ARHGAP22: variants seen among roughly 807,000 people sequenced by gnomAD.
ARHGAP22 encodes rho GTPase-activating protein 22.
In ARHGAP22, 48 loss-of-function variants were observed where a neutral mutation model predicts 59.1. The observed-to-expected ratio is 0.81, with a 90% CI of 0.64 to 1.03. The LOEUF is 1.03. Among genes scored for constraint, ARHGAP22 ranks in the 50% least tolerant of loss-of-function variants. The pLI, the probability that ARHGAP22 is intolerant of heterozygous loss-of-function variation, is 0.00. For missense variants in ARHGAP22, 1,015 were observed against 958.7 expected (o/e 1.06, Z -0.78); for synonymous variants, 445 against 416.4 (o/e 1.07, Z -0.84).
intron 2 of ARHGAP22, among the ~76,000 whole-genome samples, chr10:48,560,050 T>A (rs1022012646): frequency 2.0e-5 from 3 of 152,202 alleles, no homozygotes; most frequent in African/African-American, 7.2e-5. Flanking sequence ...TGTGAATATG[T>A]TATGCTACAT....
chr10:48,450,807 C>G lies in ARHGAP22; in HGVS notation c.1322G>C (p.Ser441Thr). The part of the protein sequence containing the change: ...SFRQPRSLSG[S>T]PKGGGSSLEV... The stretch of plus-strand genomic sequence containing the variant: ...CAGGGATGAGCCGCCCCCCTTCGGG[C>G]TTCCCGATAGGGACCTCGGCTGCCG... Residue 441 changes from serine to threonine, a missense_variant, in exon 9 of 10, where the codon AGC (serine) becomes ACC (threonine). Transcript: ENST00000249601. 1 of 1,579,334 alleles carries G rather than the reference C, an allele frequency of 6.3e-7. No individual in the cohort carries two copies. Among genetic ancestry groups the G allele is most frequent in the Non-Finnish European group, 8.6e-7 (1 of 1,163,308 alleles).
intron 4 of ARHGAP22, among the ~76,000 whole-genome samples, 192 bp from the exon 5 acceptor site, chr10:48,460,083 A>G (rs1174790636): frequency 2.0e-5 from 3 of 152,200 alleles, no homozygotes; most frequent in Non-Finnish European, 1.5e-5. Flanking sequence ...GATGCACACC[A>G]GGAGGCTGGG....
chr10:48,508,083 C>G (rs540494154), intron 3 of ARHGAP22, among the ~76,000 whole-genome samples: 2 of 152,260 alleles, frequency 1.3e-5, no homozygotes, highest in Admixed American at 6.5e-5. Flanking sequence ...GGCTCAAAGG[C>G]TGGGGTGGCC....
At chr10:48,627,505 AC>A (rs1332657622) in intron 1 of ARHGAP22, among the ~76,000 whole-genome samples, 1 of 152,122 alleles carries the variant, frequency 6.6e-6, no homozygotes, top group African/African-American at 2.4e-5. Context: ...GTCTGTACTC[AC>A]TCTAGGTTCA....
chr10:48,552,426 C>T (rs576989219), intron 3 of ARHGAP22, among the ~76,000 whole-genome samples: 112 of 152,380 alleles, frequency 7.4e-4, no homozygotes, highest in Non-Finnish European at 1.2e-3. Context: ...CTGGCACCCT[C>T]GGAACTGTAG....
intron 9 of ARHGAP22, among the ~76,000 whole-genome samples, chr10:48,448,763 T>C (rs2045610905): frequency 6.6e-6 from 1 of 152,194 alleles, no homozygotes; most frequent in East Asian, 1.9e-4. Context: ...ACCACTCTGC[T>C]AGCGAGTACA....
chr10:48,571,168 C>A (rs2058370764), intron 2 of ARHGAP22, among the ~76,000 whole-genome samples: 1 of 152,188 alleles, frequency 6.6e-6, no homozygotes, highest in Admixed American at 6.5e-5. Flanking sequence ...GCCACTTAAT[C>A]TACTAATAGT....
rs148047591 is a variant in ARHGAP22, at chr10:48,487,020, C to A, written c.323-7256G>T. On this transcript the variant is annotated intron_variant, in intron 3 of 9. Coordinates refer to ENST00000249601, the MANE Select transcript of ARHGAP22 (RefSeq NM_021226.4). The stretch of plus-strand genomic sequence containing the variant: ...TTATGGGTAATTTGATTATGACGTG[C>A]CTCAGTGCAATTTTATTCAGGTTTC... Among the ~76,000 whole-genome samples the A allele has an allele frequency of 2.0e-3, 305 of 152,182 alleles. 1 individual carries two copies. Among genetic ancestry groups the A allele is most frequent in the African/African-American group, 6.8e-3 (282 of 41,518 alleles).
intron 1 of ARHGAP22, among the ~76,000 whole-genome samples, chr10:48,588,115 C>A (rs545294695): frequency 8.5e-4 from 129 of 152,330 alleles, no homozygotes; most frequent in African/African-American, 3.0e-3. Context: ...TGCCCTGATG[C>A]CCAAGGCCCA....
chr10:48,648,260 T>C (rs2062397385), intron 1 of ARHGAP22, among the ~76,000 whole-genome samples: 2 of 151,958 alleles, frequency 1.3e-5, no homozygotes, highest in South Asian at 4.2e-4. Flanking sequence ...GAAAAAAAGA[T>C]GGGAAAGGAG....
At chr10:48,545,260 G>C (rs2056329226) in intron 3 of ARHGAP22, among the ~76,000 whole-genome samples, 1 of 152,156 alleles carries the variant, frequency 6.6e-6, no homozygotes, top group Non-Finnish European at 1.5e-5. Context: ...CATCTCTATA[G>C]AAGAGCGCTG....
At chr10:48,455,646 C>CTT (rs2046419446) in intron 5 of ARHGAP22, among the ~76,000 whole-genome samples, 1 of 152,242 alleles carries the variant, frequency 6.6e-6, no homozygotes, top group South Asian at 2.1e-4. Flanking sequence ...CCCTGCAAGA[C>CTT]GATGTGGGAG....
chr10:48,541,673 G>T (rs1435530991), intron 3 of ARHGAP22, among the ~76,000 whole-genome samples: 1 of 152,196 alleles, frequency 6.6e-6, no homozygotes. Flanking sequence ...GAGAGGCTGG[G>T]CCAGTGCACT....
intron 1 of ARHGAP22, among the ~76,000 whole-genome samples, chr10:48,627,381 T>C (rs984221517): frequency 6.6e-6 from 1 of 152,242 alleles, no homozygotes; most frequent in Non-Finnish European, 1.5e-5. Context: ...CAGTGTGGTC[T>C]GCACTAGCTC....
intron 1 of ARHGAP22, among the ~76,000 whole-genome samples, chr10:48,650,610 A>C (rs1227992247): frequency 6.6e-6 from 1 of 152,212 alleles, no homozygotes; most frequent in Admixed American, 6.5e-5. Context: ...AAATTCATTA[A>C]GTTCAGGTAT....
At chr10:48,649,900 C>G (rs1358592041) in intron 1 of ARHGAP22, among the ~76,000 whole-genome samples, 1 of 151,972 alleles carries the variant, frequency 6.6e-6, no homozygotes, top group Non-Finnish European at 1.5e-5. Flanking sequence ...CGCATAAGGA[C>G]CTTTCATTTG....
At chr10:48,621,038 G>A (rs1589205718) in intron 1 of ARHGAP22, among the ~76,000 whole-genome samples, 1 of 152,372 alleles carries the variant, frequency 6.6e-6, no homozygotes, top group Non-Finnish European at 1.5e-5. Context: ...TAGCAAGCTT[G>A]GTGTGTTACT....
At chr10:48,511,863 G>A (rs899469654) in intron 3 of ARHGAP22, among the ~76,000 whole-genome samples, 2 of 152,230 alleles carry the variant, frequency 1.3e-5, no homozygotes, top group African/African-American at 4.8e-5. Flanking sequence ...AATCCTCTCT[G>A]CCGCTTCTGT....
At chr10:48,450,137 T>C (rs1191942776) in intron 9 of ARHGAP22, 124 bp downstream of exon 9, 2 of 1,361,034 alleles carry the variant, frequency 1.5e-6, no homozygotes, top group East Asian at 2.5e-5. Flanking sequence ...AGGATTCCCC[T>C]CTCTGAGGCT....
Sources: allele counts gnomAD v4.1 joint callset (sites outside exome capture counted in the v4.1 genomes callset), GRCh38; gene constraint gnomAD v4.1.1; transcripts MANE v1.5; gene names NCBI Gene and HGNC (gene_info 2026-07-23, HGNC 2026-07-21).